Variants in DPP4 observed in about 807,000 individuals in gnomAD.
DPP4 encodes the protein ADCP-2.
A neutral mutation model predicts 122.4 loss-of-function variants in DPP4; 93 were observed. The observed-to-expected ratio is 0.76, with a 90% confidence interval of 0.64 to 0.90. DPP4 has a LOEUF of 0.90. Ranked by LOEUF, DPP4 falls within the 40% of genes least tolerant of loss-of-function variation. The probability of loss-of-function intolerance (pLI) is 0.00; values close to 1 mark genes in which losing one functional copy is unlikely to be tolerated. For missense variants in DPP4, 914 were observed against 907.3 expected (o/e 1.01, Z -0.09); for synonymous variants, 321 against 302.9 (o/e 1.06, Z -0.62).
At chr2:162,033,106 T>C (rs1310294023) in intron 10 of DPP4, among the ~76,000 whole-genome samples, 2 of 152,154 alleles carry the variant, frequency 1.3e-5, no homozygotes, top group African/African-American at 2.4e-5. Context: ...CCCCCTGCTA[T>C]TGGTGTGGAT....
rs1207894591 is a variant in DPP4 at position 162,033,074 on chromosome 2, C to T, written c.887+467G>A. ...CCCAAGCACATCTCCTCTGCAGGGC[C>T]TTTGCACTTGCTCTTCCTCTGCCCC... On this transcript the variant is annotated intron_variant, in intron 10 of 25. Transcript: ENST00000360534. 2.6e-5 allele frequency among the ~76,000 whole-genome samples: 4 copies of T among 152,308 alleles called. No individual in the cohort carries two copies. The East Asian group carries it at 5.8e-4, about 22-fold the overall frequency.
At chr2:162,002,509 T>G (rs185295565) in intron 23 of DPP4, among the ~76,000 whole-genome samples, 8 of 152,318 alleles carry the variant, frequency 5.3e-5, no homozygotes, top group African/African-American at 1.9e-4. Flanking sequence ...ATCCTCAGTG[T>G]ACTGAAAAGA....
intron 2 of DPP4, among the ~76,000 whole-genome samples, chr2:162,050,859 G>A (rs1296603077): frequency 6.6e-6 from 1 of 152,150 alleles, no homozygotes; most frequent in African/African-American, 2.4e-5. Flanking sequence ...CTCATGATTC[G>A]TCTTCCTTGT....
intron 18 of DPP4, among the ~76,000 whole-genome samples, chr2:162,014,809 T>C (rs778512192): frequency 6.6e-6 from 1 of 152,256 alleles, no homozygotes; most frequent in Non-Finnish European, 1.5e-5. Flanking sequence ...TTATGGCTTA[T>C]GTTCTAAGTT....
intron 10 of DPP4, among the ~76,000 whole-genome samples, chr2:162,032,647 C>A (rs1479801665): frequency 2.6e-5 from 4 of 151,902 alleles, no homozygotes; most frequent in African/African-American, 9.7e-5. Context: ...TCACTGCACT[C>A]TAGCCTGGGC....
At chr2:162,056,780 G>A (rs887294482) in intron 2 of DPP4, among the ~76,000 whole-genome samples, 2 of 152,198 alleles carry the variant, frequency 1.3e-5, no homozygotes, top group Non-Finnish European at 2.9e-5. Flanking sequence ...TAGGCTAGTA[G>A]TTAAATGATA....
At chr2:162,033,461 T>G (rs1169136868) in intron 10 of DPP4, 80 bp downstream of exon 10, 2 of 1,021,476 alleles carry the variant, frequency 2.0e-6, no homozygotes, top group East Asian at 5.2e-5. Context: ...TGTGATCCAC[T>G]TTGCCATTCA....
At position 161,997,046 on chromosome 2, in the gene DPP4, C is replaced by T. The variant is rs139815634; in HGVS notation, c.2053-1674G>A. On this transcript the variant is annotated intron_variant, in intron 23 of 25. Coordinates refer to ENST00000360534, the MANE Select transcript of DPP4 (RefSeq NM_001935.4). ...TTCTGGAAAAAAGACATTTTATCTA[C>T]GACTTTCAGGACAGAGCCACCCAAA... 5.8e-4 allele frequency among the ~76,000 whole-genome samples: 89 copies of T among 152,312 alleles called. 1 individual carries two copies. Among genetic ancestry groups the T allele is most frequent in the African/African-American group, 2.0e-3 (82 of 41,562 alleles).
At chr2:162,033,893 T>TATATACAC (rs1491588211) in intron 9 of DPP4, among the ~76,000 whole-genome samples, 1 of 138,584 alleles carries the variant, frequency 7.2e-6, no homozygotes, top group African/African-American at 2.8e-5. Context: ...TATATATATA[T>TATATACAC]ACACACTATA....
Position 162,047,486 on chromosome 2 carries a change from G to A in DPP4, c.110C>T (p.Ala37Val), listed in dbSNP as rs1684230362. Residue 37 changes from alanine (A) to valine (V), a missense_variant, in exon 3 of 26, where the codon GCT (alanine) becomes GTT (valine). Transcript: ENST00000360534. The stretch of plus-strand genomic sequence containing the variant: ...TAGAGTGTAAGTTTTGCGACTGTCA[G>A]CTGTAGCATCATCTGCTGGTTGAAA... Reference protein sequence around the residue: ...LLNKGTDDATADSRKTYTLTD... With the variant: ...LLNKGTDDATVDSRKTYTLTD... 2 of 1,573,672 alleles carry A rather than the reference G, an allele frequency of 1.3e-6. No homozygotes were observed. Among genetic ancestry groups the A allele is most frequent in the Middle Eastern group, 1.7e-4 (1 of 5,878 alleles).
In DPP4 at chr2:162,018,839, C is replaced by G. The variant is rs1129599; in HGVS notation, c.1310G>C (p.Ser437Thr). ...GAGGCATGTCACTTTTGTATAGTCA[C>G]TAAGTTGGATTCTGTAAAACCAACG... ...GGRNLYKIQL[S>T]DYTKVTCLSC... The change falls in exon 16 of 26, where the codon AGT becomes ACT. Residue 437 changes from serine (S) to threonine (T), a missense_variant. Ser to Thr is a moderately conservative substitution (Grantham distance 58). Transcript: ENST00000360534. The G allele has an allele frequency of 1.8e-3, 2,894 of 1,613,986 alleles. 48 individuals are homozygous for G. In the African/African-American group the frequency reaches 0.034, roughly 19 times the overall value.
At chr2:162,061,994 C>T (rs1395152739) in intron 2 of DPP4, among the ~76,000 whole-genome samples, 1 of 151,818 alleles carries the variant, frequency 6.6e-6, no homozygotes, top group Non-Finnish European at 1.5e-5. Flanking sequence ...CCAGCCTGGG[C>T]ATGGTGGCTT....
chr2:162,042,085 G>T (rs867330242), intron 5 of DPP4, among the ~76,000 whole-genome samples: 1 of 152,152 alleles, frequency 6.6e-6, no homozygotes, highest in African/African-American at 2.4e-5. Context: ...AAGAGAAGCC[G>T]AATGCAAAGA....
intron 23 of DPP4, among the ~76,000 whole-genome samples, chr2:161,999,060 A>T (rs1024716496): frequency 6.6e-6 from 1 of 152,190 alleles, no homozygotes; most frequent in Non-Finnish European, 1.5e-5. Flanking sequence ...GAGGCAGCTG[A>T]GAGACATACA....
chr2:162,028,326 C>A (rs1683416517), intron 10 of DPP4, among the ~76,000 whole-genome samples: 1 of 152,192 alleles, frequency 6.6e-6, no homozygotes, highest in South Asian at 2.1e-4. Context: ...CATGCCATTG[C>A]ACTCCAGCCT....
chr2:162,016,482 T>C (rs1214848266), intron 18 of DPP4, among the ~76,000 whole-genome samples: 1 of 152,202 alleles, frequency 6.6e-6, no homozygotes, highest in Admixed American at 6.5e-5. Context: ...CAATTAATAT[T>C]AGTAGAATAA....
intron 25 of DPP4, 127 bp from the exon 26 acceptor site, chr2:161,993,511 G>T: frequency 1.5e-6 from 1 of 649,332 alleles, no homozygotes. Context: ...AATTCCTGAG[G>T]CAGTTTATAA....
At chr2:161,996,897 T>C (rs914278315) in intron 23 of DPP4, among the ~76,000 whole-genome samples, 11 of 152,206 alleles carry the variant, frequency 7.2e-5, no homozygotes, top group Non-Finnish European at 1.6e-4. Context: ...GTATTCACCT[T>C]AAACAAGGGT....
intron 22 of DPP4, among the ~76,000 whole-genome samples, chr2:162,006,173 G>A (rs1426313777): frequency 3.3e-5 from 5 of 152,170 alleles, no homozygotes; most frequent in Non-Finnish European, 7.3e-5. Flanking sequence ...AAAGTCAAAT[G>A]TGAAGTGCTA....
Sources: allele counts gnomAD v4.1 joint callset (sites outside exome capture counted in the v4.1 genomes callset), GRCh38; gene constraint gnomAD v4.1.1; transcripts MANE v1.5; gene names NCBI Gene and HGNC (gene_info 2026-07-23, HGNC 2026-07-21).